Variants in MCM9 observed in about 807,000 individuals in gnomAD.
The protein encoded by MCM9 is DNA helicase MCM9.
A neutral mutation model predicts 72.8 loss-of-function variants in MCM9; 55 were observed. The ratio of observed to expected loss-of-function variants is 0.76; its 90% CI spans 0.61 to 0.95. The LOEUF is 0.95. MCM9 is among the 40% of genes least tolerant of loss of function. MCM9 has a pLI of 0.00. For missense variants in MCM9, 1,279 were observed against 1,377.0 expected (o/e 0.93, Z 1.13); for synonymous variants, 480 against 503.4 (o/e 0.95, Z 0.62).
intron 8 of MCM9, among the ~76,000 whole-genome samples, chr6:118,891,740 A>T (rs1481668735): frequency 6.6e-6 from 1 of 152,186 alleles, no homozygotes; most frequent in African/African-American, 2.4e-5. Flanking sequence ...ATTCAGTCTA[A>T]AACAACAACT....
intron 8 of MCM9, among the ~76,000 whole-genome samples, chr6:118,881,031 A>G (rs984828630): frequency 6.6e-6 from 1 of 152,228 alleles, no homozygotes; most frequent in Admixed American, 6.5e-5. Context: ...TAGAACAATT[A>G]TAACAATATA....
intron 8 of MCM9, among the ~76,000 whole-genome samples, chr6:118,902,112 GCT>G (rs1345973471): frequency 6.6e-6 from 1 of 152,168 alleles, no homozygotes; most frequent in Non-Finnish European, 1.5e-5. Flanking sequence ...AATTAAAAGT[GCT>G]GTTAATCAAA....
chr6:118,913,586 C>CT (rs1189565519), intron 6 of MCM9, among the ~76,000 whole-genome samples, 166 bp from the exon 7 acceptor site: 1 of 152,050 alleles, frequency 6.6e-6, no homozygotes. Flanking sequence ...GAGGAAATAA[C>CT]TTTGTTTTGG....
rs1281329723 is a variant in MCM9, at chr6:118,816,039, ATC to A, written c.2215_2216del (p.Asp739Ter). ...TGAAATCAAACCAATCTAAACTGTC[ATC>A]TCTGTTATTTTTGTGCTGAGCTGAA... The part of the protein sequence containing the change: ...KHSAQHKNNR[D>X]DSLDWFDFMA... On this transcript the variant is annotated frameshift_variant, in exon 14 of 14. Transcript: ENST00000619706. LOFTEE classifies it low-confidence loss of function (END_TRUNC). The A allele has an allele frequency of 7.1e-6, 11 of 1,550,430 alleles. No individual in the cohort carries two copies. The highest frequency in any genetic ancestry group is 2.0e-5 in the Admixed American group (1 of 50,994).
intron 9 of MCM9, among the ~76,000 whole-genome samples, chr6:118,835,681 G>C (rs758237939): frequency 6.6e-6 from 1 of 152,122 alleles, no homozygotes; most frequent in Non-Finnish European, 1.5e-5. Context: ...CAATGCTTGT[G>C]AATTTTTCAT....
chr6:118,842,682 G>T (rs975902964), intron 9 of MCM9, among the ~76,000 whole-genome samples: 1 of 152,034 alleles, frequency 6.6e-6, no homozygotes, highest in Non-Finnish European at 1.5e-5. Context: ...ACCACGCTTT[G>T]CTATTTTTAA....
chr6:118,880,628 C>T (rs1778227408), intron 8 of MCM9, among the ~76,000 whole-genome samples: 1 of 152,184 alleles, frequency 6.6e-6, no homozygotes, highest in Admixed American at 6.5e-5. Flanking sequence ...CTCTTTGTCT[C>T]TGTCTTATGA....
At chr6:118,851,377 T>C (rs535895887) in intron 9 of MCM9, among the ~76,000 whole-genome samples, 1 of 151,816 alleles carries the variant, frequency 6.6e-6, no homozygotes, top group African/African-American at 2.4e-5. Context: ...AAGAAACCTT[T>C]TCAAGATGGA....
intron 8 of MCM9, among the ~76,000 whole-genome samples, chr6:118,879,387 A>G (rs1270406825): frequency 1.3e-5 from 2 of 151,822 alleles, no homozygotes; most frequent in Non-Finnish European, 2.9e-5. Flanking sequence ...GAATTGAGGA[A>G]GCTATACTAA....
In MCM9 at chr6:118,921,997, C is replaced by CT; in HGVS notation, c.703+7dup. On this transcript the variant is annotated splice_region_variant and intron_variant, in intron 5 of 13. Transcript: ENST00000619706. ...ACACAAGCTAAAAAAAAATTCCCCT[C>CT]TTCTTACCAGATTTGCAACTATCCA... 1 of 1,608,998 alleles carries CT rather than the reference C, an allele frequency of 6.2e-7. No homozygotes were observed. Among genetic ancestry groups the CT allele is most frequent in the South Asian group, 1.1e-5 (1 of 89,952 alleles).
chr6:118,905,962 A>G, intron 8 of MCM9: 1 of 603,766 alleles, frequency 1.7e-6, no homozygotes, highest in Non-Finnish European at 2.7e-6. Flanking sequence ...CCAACTGGGC[A>G]AACTAATTAT....
At chr6:118,932,994 T>C (rs779912039) in intron 1 of MCM9, among the ~76,000 whole-genome samples, 20 of 152,160 alleles carry the variant, frequency 1.3e-4, no homozygotes, top group Non-Finnish European at 2.6e-4. Context: ...ATATCTATCA[T>C]GTACAAGGCA....
At chr6:118,856,612 C>T (rs794863) in intron 8 of MCM9, 67 bp from the exon 9 acceptor site, 78,607 of 1,482,302 alleles carry the variant, frequency 0.053, 3,231 homozygotes, top group East Asian at 0.19. Context: ...GGCGCAGTGG[C>T]TCACACCTGT....
chr6:118,883,041 G>T, intron 8 of MCM9, among the ~76,000 whole-genome samples: 1 of 127,268 alleles, frequency 7.9e-6, no homozygotes, highest in Non-Finnish European at 1.6e-5. Flanking sequence ...AGCCTTCAAA[G>T]TAGCCATTTT....
intron 8 of MCM9, among the ~76,000 whole-genome samples, chr6:118,869,014 C>CA (rs560272148): frequency 0.011 from 1,706 of 152,240 alleles, 23 homozygotes; most frequent in Non-Finnish European, 0.018. Context: ...GGAACCAACC[C>CA]AAATGTCCAT....
intron 9 of MCM9, among the ~76,000 whole-genome samples, chr6:118,848,968 G>GT (rs1287666671): frequency 2.6e-5 from 4 of 151,404 alleles, no homozygotes; most frequent in African/African-American, 9.7e-5. Flanking sequence ...AATAAACACA[G>GT]TAAGTTTTAA....
Position 118,844,990 on chromosome 6 carries a change from A to G in MCM9, c.1325+11381T>C, listed in dbSNP as rs566206010. Among the ~76,000 whole-genome samples, 3 of 151,984 alleles carry G rather than the reference A, an allele frequency of 2.0e-5. 1 individual carries two copies. Among genetic ancestry groups the G allele is most frequent in the South Asian group, 4.1e-4 (2 of 4,828 alleles). Reference sequence around the variant, plus strand: ...AACAGCCATACAGGAACAGCTGCCCACAGCAGTGATTGGCACCTGACCCAA... The same window carrying G: ...AACAGCCATACAGGAACAGCTGCCCGCAGCAGTGATTGGCACCTGACCCAA... On this transcript the variant is annotated intron_variant, in intron 9 of 13. Coordinates refer to ENST00000619706, the MANE Select transcript of MCM9 (RefSeq NM_017696.3).
intron 8 of MCM9, chr6:118,907,611 G>A (rs1320445938): frequency 1.2e-6 from 2 of 1,611,758 alleles, no homozygotes; most frequent in South Asian, 2.2e-5. Flanking sequence ...TGGACTGCAT[G>A]TGACCACCTA....
chr6:118,829,005 TA>T, intron 10 of MCM9, 42 bp downstream of exon 10: 1 of 1,524,786 alleles, frequency 6.6e-7, no homozygotes. Flanking sequence ...TAGTTACAGC[TA>T]ATCTCTCTGT....
Sources: gnomAD v4.1 joint callset for allele counts (sites outside exome capture counted in the v4.1 genomes callset) on GRCh38, gnomAD v4.1.1 for gene constraint, MANE v1.5 for transcripts, NCBI Gene and HGNC (gene_info 2026-07-23, HGNC 2026-07-21) for gene names.